KRT10: variants seen among roughly 807,000 people sequenced by gnomAD.
KRT10 encodes keratin, type I cytoskeletal 10.
In KRT10, 40 loss-of-function variants were observed where a neutral mutation model predicts 59.2. The ratio of observed to expected loss-of-function variants is 0.68; its 90% CI spans 0.52 to 0.88. The LOEUF (loss-of-function observed/expected upper bound fraction) is 0.88. Among genes scored for constraint, KRT10 ranks in the 40% least tolerant of loss-of-function variants. The pLI is 0.00. For synonymous variants in KRT10, 336 were observed against 310.7 expected (o/e 1.08, Z -0.86); for missense variants, 719 against 749.1 (o/e 0.96, Z 0.47).
chr17:40,820,805 A>C, intron 2 of KRT10, 138 bp from the exon 3 acceptor site: 1 of 1,063,784 alleles, frequency 9.4e-7, no homozygotes, highest in Non-Finnish European at 1.4e-6. Context: ...CTTAGAAGTA[A>C]TAGTGGTTTA....
Position 40,822,451 on chromosome 17 carries a change from T to C in KRT10, c.135A>G (p.Gly45=), listed in dbSNP as rs150048434. Residue 45 remains glycine, a synonymous_variant, in exon 1 of 8, where the codon GGA becomes GGG. Transcript: ENST00000269576. ...RISSSKGSLG[G]GFSSGGFSGG... is the part of the protein sequence containing the mutation. ...CACTGAACCCCCCTGAGCTAAATCC[T>C]CCACCAAGGGAGCCTTTGCTGCTAG... 9,218 of 1,613,682 alleles carry C rather than the reference T, an allele frequency of 5.7e-3. 27 individuals are homozygous for C. The highest frequency in any genetic ancestry group is 7.3e-3 in the Non-Finnish European group (8,644 of 1,179,882).
chr17:40,819,398 C>G, intron 6 of KRT10, 119 bp downstream of exon 6: 1 of 1,277,910 alleles, frequency 7.8e-7, no homozygotes, highest in Non-Finnish European at 1.1e-6. Flanking sequence ...TTTTTCTGTA[C>G]TCTACCCTCT....
chr17:40,820,373 C>G lies in KRT10; in HGVS notation c.918G>C (p.Met306Ile). 1 of 1,614,250 alleles carries G rather than the reference C, an allele frequency of 6.2e-7. No homozygotes were observed. The highest frequency in any genetic ancestry group is 1.7e-5 in the Admixed American group (1 of 60,032). ...TCAGATCAACACCCGGGGCAGCATT[C>G]ATTTCCACATTCACATCACCAGTGG... is the stretch of plus-strand genomic sequence containing the variant. Reference protein sequence around the residue: ...NVSTGDVNVEMNAAPGVDLTQ... With the variant: ...NVSTGDVNVEINAAPGVDLTQ... The change falls in exon 4 of 8, where the codon ATG (methionine) becomes ATC (isoleucine). Residue 306 changes from methionine to isoleucine, a missense_variant. Transcript: ENST00000269576.
In KRT10 at chr17:40,819,387, C is replaced by T. The variant is rs1597818387; in HGVS notation, c.1373+130G>A. ...AAAGTGAGATTGCGGTTGCGTACTCCTTTTTCTGTACTCTACCCTCTCTCC... is the reference window on the plus strand; with the variant it reads ...AAAGTGAGATTGCGGTTGCGTACTCTTTTTTCTGTACTCTACCCTCTCTCC... On this transcript the variant is annotated intron_variant, in intron 6 of 7. Coordinates refer to ENST00000269576, the MANE Select transcript of KRT10 (RefSeq NM_000421.5). 2.3e-6 allele frequency: 3 copies of T among 1,281,968 alleles called. No homozygotes were observed. The East Asian group carries it at 7.3e-5, about 31-fold the overall frequency. 79.4% of individuals were successfully genotyped at this position (1,281,968 alleles called of 1,614,324 possible).
Position 40,819,174 on chromosome 17 carries a change from A to G in KRT10, c.1374-13T>C. 1 of 1,587,980 alleles carries G rather than the reference A, an allele frequency of 6.3e-7. No homozygotes were observed. The highest frequency in any genetic ancestry group is 2.3e-5 in the East Asian group (1 of 43,382). ...GCCGCCTCCGGAACTAAACGGGGTG[A>G]GGTCACATTCGGTTATCTCTAACGT... On this transcript the variant is annotated splice_polypyrimidine_tract_variant and intron_variant, in intron 6 of 7. Transcript: ENST00000269576.
Position 40,818,397 on chromosome 17 carries a change from T to C in KRT10, c.*79A>G, listed in dbSNP as rs980400521. On this transcript the variant is annotated 3_prime_UTR_variant, in exon 8 of 8. Transcript: ENST00000269576. ...CAGTTTAATAGTAGTGTTTCTTGGT[T>C]TCTGATTCAACCATAGATGAAAGAA... The C allele has an allele frequency of 5.0e-6, 8 of 1,603,806 alleles. No individual in the cohort carries two copies. The African/African-American group carries it at 1.1e-4, about 21-fold the overall frequency.
At chr17:40,819,799 GATT>G in intron 5 of KRT10, 65 bp from the exon 6 acceptor site, 2 of 1,362,198 alleles carry the variant, frequency 1.5e-6, no homozygotes, top group South Asian at 2.3e-5. Flanking sequence ...ACGCTTATTT[GATT>G]ATTTAGTAAG....
In KRT10 at chr17:40,819,047, G is replaced by A. The variant is rs1905208866; in HGVS notation, c.1488C>T (p.Gly496=). 13 of 1,347,760 alleles carry A rather than the reference G, an allele frequency of 9.6e-6. No individual in the cohort carries two copies. The highest frequency in any genetic ancestry group is 1.5e-5 in the African/African-American group (1 of 64,798). The allele number at this position is 1,347,760 out of a possible 1,614,324, so 83.5% of individuals were successfully genotyped here. A position where few individuals can be genotyped will look rare whatever the true frequency, so the allele number is the denominator to read the frequency against. ...CGGAGCTTCCGCCTCCGTAGCCGCC[G>A]CCGGAACTGCCGCCGTGGCCGCCGC... ...GHGGGHGGSS[G]GGYGGGSSGG... is the part of the protein sequence containing the mutation. Residue 496 remains glycine, a synonymous_variant, in exon 7 of 8, where the codon GGC becomes GGT. Transcript: ENST00000269576.
chr17:40,818,797 TAGATG>T lies in KRT10; in HGVS notation c.1733_1737del (p.Ser578Ter), dbSNP rs1288196677. 2.1e-5 allele frequency: 32 copies of T among 1,538,924 alleles called. No homozygotes were observed. Among genetic ancestry groups the T allele is most frequent in the Non-Finnish European group, 2.8e-5 (32 of 1,152,904 alleles). On this transcript the variant is annotated frameshift_variant, in exon 7 of 8. Transcript: ENST00000269576. LOFTEE classifies it high-confidence loss of function. ...CTAGTTTCTGCTGACCTTGGTCCCT[TAGATG>T]AAGACTCGCCCACGGACCCGGAAGA...
chr17:40,819,863 G>T, intron 5 of KRT10, 129 bp from the exon 6 acceptor site: 1 of 1,094,768 alleles, frequency 9.1e-7, no homozygotes, highest in Non-Finnish European at 1.4e-6. Flanking sequence ...TATGTTTAAT[G>T]GCACCATTTC....
intron 6 of KRT10, 169 bp downstream of exon 6, chr17:40,819,348 G>T: frequency 2.2e-6 from 3 of 1,380,756 alleles, no homozygotes; most frequent in Non-Finnish European, 2.0e-6. Flanking sequence ...ATCATTTTGG[G>T]CCAAATTCAT....
intron 6 of KRT10, 112 bp from the exon 7 acceptor site, chr17:40,819,273 C>T: frequency 5.8e-6 from 9 of 1,559,324 alleles, no homozygotes; most frequent in Non-Finnish European, 7.8e-6. Flanking sequence ...AAATAAAACC[C>T]TGCCAGGTAT....
In KRT10 at chr17:40,818,438, C is replaced by T; in HGVS notation, c.*38G>A. 3 of 1,613,338 alleles carry T rather than the reference C, an allele frequency of 1.9e-6. No individual in the cohort carries two copies. Among genetic ancestry groups the T allele is most frequent in the South Asian group, 1.1e-5 (1 of 90,944 alleles). On this transcript the variant is annotated 3_prime_UTR_variant, in exon 8 of 8. Coordinates refer to ENST00000269576, the MANE Select transcript of KRT10 (RefSeq NM_000421.5). ...GATGAAAGAACTCTACCGTCGGGCGCCACCTCTTCAATAATTGTCTTGATT... is the reference window on the plus strand; with the variant it reads ...GATGAAAGAACTCTACCGTCGGGCGTCACCTCTTCAATAATTGTCTTGATT...
In KRT10 at chr17:40,819,006, C is replaced by T; in HGVS notation, c.1529G>A (p.Gly510Asp). ...GGGSSGGGSS[G>D]GGYGGGSSSG... The stretch of plus-strand genomic sequence containing the variant: ...GGAGCTTCCGCCCCCGTAGCCGCCG[C>T]CGGAGCTTCCGCCGCCGGAGCTTCC... The change falls in exon 7 of 8, where the codon GGC (glycine) becomes GAC (aspartate). Residue 510 changes from glycine (G) to aspartate (D), a missense_variant. By Grantham distance (94) the Gly-to-Asp change is moderately conservative (BLOSUM62 -1). Around this residue, in one of 4 missense-constraint regions of KRT10, gnomAD observed 315 missense variants for 270.6 expected, o/e 1.16. Transcript: ENST00000269576. 1.6e-6 allele frequency: 2 copies of T among 1,284,178 alleles called. No homozygotes were observed. Among genetic ancestry groups the T allele is most frequent in the African/African-American group, 3.1e-5 (2 of 64,942 alleles). The allele number at this position is 1,284,178 out of a possible 1,614,324, so 79.5% of individuals were successfully genotyped here.
intron 2 of KRT10, 140 bp downstream of exon 2, chr17:40,820,895 A>G: frequency 2.2e-6 from 2 of 894,610 alleles, no homozygotes; most frequent in Non-Finnish European, 1.8e-6. Flanking sequence ...GACATGGAAA[A>G]TTTCTCAGAT....
chr17:40,821,492 T>G (rs1905379936), intron 1 of KRT10, among the ~76,000 whole-genome samples: 1 of 152,198 alleles, frequency 6.6e-6, no homozygotes, highest in Non-Finnish European at 1.5e-5. Context: ...ATAAATACAC[T>G]CTGAACTGGT....
chr17:40,818,949 C>T lies in KRT10; in HGVS notation c.1586G>A (p.Gly529Asp). 2 of 1,403,874 alleles carry T rather than the reference C, an allele frequency of 1.4e-6. No homozygotes were observed. The highest frequency in any genetic ancestry group is 1.5e-5 in the South Asian group (1 of 65,730). 87.0% of individuals were successfully genotyped at this position (1,403,874 alleles called of 1,614,324 possible). Residue 529 changes from glycine (G) to aspartate (D), a missense_variant, in exon 7 of 8, where the codon GGC (glycine) becomes GAC (aspartate). By Grantham distance (94) the Gly-to-Asp change is moderately conservative (BLOSUM62 -1). Coordinates refer to ENST00000269576, the MANE Select transcript of KRT10 (RefSeq NM_000421.5). ...SGGHGGSSSG[G>D]YGGGSSGGGG... ...GCCGCCGGAACTGCCACCACCGTAGCCGCCGCTGGAACTGCCGCCGTGGCC... is the reference window on the plus strand; with the variant it reads ...GCCGCCGGAACTGCCACCACCGTAGTCGCCGCTGGAACTGCCGCCGTGGCC...
intron 6 of KRT10, 116 bp from the exon 7 acceptor site, chr17:40,819,277 C>CA: frequency 3.9e-6 from 6 of 1,554,164 alleles, no homozygotes; most frequent in Non-Finnish European, 8.7e-7. Context: ...AAAACCCTGC[C>CA]AGGTATATAT....
In KRT10 at chr17:40,819,653, C is replaced by G; in HGVS notation, c.1237G>C (p.Ala413Pro). 1.9e-6 allele frequency: 3 copies of G among 1,614,118 alleles called. No individual in the cohort carries two copies. The highest frequency in any genetic ancestry group is 2.2e-5 in the East Asian group (1 of 44,882). Residue 413 changes from alanine (A) to proline (P), a missense_variant, in exon 6 of 8, where the codon GCT becomes CCT. Physicochemically the swap from Ala to Pro is conservative, Grantham distance 27. Transcript: ENST00000269576. ...QLSQIQAQIS[A>P]LEEQLQQIRA... ...ATCTGTTGCAACTGTTCTTCCAGAG[C>G]GGATATCTGGGCCTGAATCTGTGAG...
Sources: allele counts gnomAD v4.1 joint callset (sites outside exome capture counted in the v4.1 genomes callset), GRCh38; gene constraint gnomAD v4.1.1; regional missense constraint gnomAD v4.1.1; transcripts MANE v1.5; gene names NCBI Gene and HGNC (gene_info 2026-07-23, HGNC 2026-07-21).